The following SERGEF variants were observed in gnomAD, a reference collection of about 807,000 sequenced individuals.
The protein encoded by SERGEF is secretion-regulating guanine nucleotide exchange factor.
SERGEF carries 51 observed loss-of-function variants against 50.0 expected under a neutral mutation model. That is an observed-to-expected ratio of 1.02 (90% CI 0.81 to 1.29). The LOEUF is 1.29. Ranked by LOEUF, SERGEF falls within the 50% of genes most tolerant of loss-of-function variation. The pLI, the probability that SERGEF is intolerant of heterozygous loss-of-function variation, is 0.00. For missense variants in SERGEF, 521 were observed against 557.0 expected, an observed-to-expected ratio of 0.94 and a Z score of 0.65; for synonymous variants, 205 against 212.4, an observed-to-expected ratio of 0.97 and a Z score of 0.30.
At chr11:17,808,004 A>T (rs10160556) in intron 10 of SERGEF, among the ~76,000 whole-genome samples, 61,660 of 151,986 alleles carry the variant, frequency 0.41, 14,045 homozygotes, top group East Asian at 0.72. Flanking sequence ...GACCCCCTAG[A>T]ATGTGCAGCC....
At position 17,791,668 on chromosome 11, in the gene SERGEF, G is replaced by A. The variant is rs543059172; in HGVS notation, c.1049-3255C>T. Among the ~76,000 whole-genome samples the A allele has an allele frequency of 4.9e-4, 74 of 152,286 alleles. No homozygotes were observed. The South Asian group carries it at 0.014, about 29-fold the overall frequency. On this transcript the variant is annotated intron_variant, in intron 10 of 10. Coordinates refer to ENST00000265965, the MANE Select transcript of SERGEF (RefSeq NM_012139.4). ...TGAACTGGGTTCAAATCCCAGCTTC[G>A]CCACTTACTAGTTGTGCCGCTTCAA...
rs199601598 is a variant in SERGEF at position 17,980,457 on chromosome 11, T to TATTC, written c.844+8139_844+8140insGAAT. ...TCTTGCACTGAGGGGTAAGTGATCT[T>TATTC]ATTAACTTTAAAATAGTATTTATAG... On this transcript the variant is annotated intron_variant, in intron 8 of 10. Coordinates refer to ENST00000265965, the MANE Select transcript of SERGEF (RefSeq NM_012139.4). 6.8e-3 allele frequency among the ~76,000 whole-genome samples: 1,036 copies of TATTC among 152,362 alleles called. 13 individuals carry two copies. The highest frequency in any genetic ancestry group is 0.023 in the African/African-American group (972 of 41,572).
chr11:17,857,882 A>T (rs1850853235), intron 10 of SERGEF, among the ~76,000 whole-genome samples: 2 of 152,240 alleles, frequency 1.3e-5, no homozygotes, highest in African/African-American at 4.8e-5. Flanking sequence ...AAACCCTCTT[A>T]AGCCAACTGT....
intron 8 of SERGEF, among the ~76,000 whole-genome samples, chr11:17,964,150 T>C (rs1415826178): frequency 1.3e-5 from 2 of 152,202 alleles, no homozygotes; most frequent in African/African-American, 4.8e-5. Context: ...ATGGGAATCA[T>C]AAAATGTTAT....
At chr11:17,861,036 TTTC>T (rs1249454566) in intron 10 of SERGEF, among the ~76,000 whole-genome samples, 1 of 152,190 alleles carries the variant, frequency 6.6e-6, no homozygotes, top group East Asian at 1.9e-4. Flanking sequence ...GAAAGGGCCA[TTTC>T]CTATGTCCTC....
At chr11:17,837,424 T>C (rs914207257) in intron 10 of SERGEF, among the ~76,000 whole-genome samples, 2 of 151,860 alleles carry the variant, frequency 1.3e-5, no homozygotes, top group African/African-American at 4.8e-5. Flanking sequence ...GGATGCCCTC[T>C]GTGGGGAGTG....
intron 10 of SERGEF, among the ~76,000 whole-genome samples, chr11:17,801,856 A>G (rs948642175): frequency 3.9e-5 from 6 of 152,182 alleles, no homozygotes; most frequent in Non-Finnish European, 7.3e-5. Flanking sequence ...TGGTGCCTTC[A>G]TCACTCTAAA....
chr11:17,797,451 ATGT>A (rs1278908987), intron 10 of SERGEF, among the ~76,000 whole-genome samples: 7 of 152,264 alleles, frequency 4.6e-5, no homozygotes, highest in Middle Eastern at 3.4e-3. Context: ...TCATTCCTTC[ATGT>A]TGTTCAGGTA....
At chr11:17,809,710 A>T (rs1849832297) in intron 10 of SERGEF, among the ~76,000 whole-genome samples, 1 of 152,134 alleles carries the variant, frequency 6.6e-6, no homozygotes, top group Non-Finnish European at 1.5e-5. Context: ...GACCAAGAGG[A>T]CTTGGCATCT....
At chr11:17,914,002 C>T (rs929915439) in intron 9 of SERGEF, among the ~76,000 whole-genome samples, 3 of 152,230 alleles carry the variant, frequency 2.0e-5, no homozygotes, top group African/African-American at 7.2e-5. Flanking sequence ...CTGAATGAAG[C>T]CCAAATCCTA....
In SERGEF at chr11:18,007,977, T is replaced by A; in HGVS notation, c.160A>T (p.Ile54Phe). 5.0e-6 allele frequency: 8 copies of A among 1,613,966 alleles called. No individual in the cohort carries two copies. The highest frequency in any genetic ancestry group is 6.8e-6 in the Non-Finnish European group (8 of 1,179,888). ...DFCKPRSVRR[I>F]TGGGGHSAVV... ...GCAGAGTGGCCCCCTCCTCCTGTGATCCTCCTGACACTCCTGGGTTTACAG... is the reference window on the plus strand; with the variant it reads ...GCAGAGTGGCCCCCTCCTCCTGTGAACCTCCTGACACTCCTGGGTTTACAG... Residue 54 changes from isoleucine to phenylalanine, a missense_variant, in exon 2 of 11, where the codon ATC becomes TTC. Ile to Phe is a conservative substitution (Grantham distance 21). Coordinates refer to ENST00000265965, the MANE Select transcript of SERGEF (RefSeq NM_012139.4).
chr11:17,921,176 A>G (rs528489568), intron 9 of SERGEF, among the ~76,000 whole-genome samples: 10 of 152,356 alleles, frequency 6.6e-5, no homozygotes, highest in African/African-American at 2.4e-4. Flanking sequence ...TTTGACAGTC[A>G]TCTGATACAT....
intron 9 of SERGEF, among the ~76,000 whole-genome samples, chr11:17,958,762 G>T (rs1413985559): frequency 1.3e-5 from 2 of 152,132 alleles, no homozygotes; most frequent in Non-Finnish European, 2.9e-5. Context: ...TCAAGCTGTT[G>T]TGCACACTTA....
In SERGEF at chr11:17,998,528, A is replaced by ATGTGTGTG. The variant is rs71047568; in HGVS notation, c.508+1961_508+1968dup. On this transcript the variant is annotated intron_variant, in intron 5 of 10. Transcript: ENST00000265965. ...GTGTGTTATATATATATATGTTTATATGTGTGTGTGTGTGTGTGTATGTGT... is the reference window on the plus strand; with the variant it reads ...GTGTGTTATATATATATATGTTTATATGTGTGTGTGTGTGTGTGTGTGTGTGTATGTGT... 3.6e-3 allele frequency among the ~76,000 whole-genome samples: 454 copies of ATGTGTGTG among 126,136 alleles called. 4 individuals are homozygous for ATGTGTGTG. The highest frequency in any genetic ancestry group is 5.9e-3 in the Non-Finnish European group (361 of 61,270). The allele number at this position is 126,136 out of a possible 152,430, so 82.8% of individuals were successfully genotyped here. A position where few individuals can be genotyped will look rare whatever the true frequency, so the allele number is the denominator to read the frequency against.
intron 10 of SERGEF, among the ~76,000 whole-genome samples, chr11:17,825,919 G>C (rs1009746260): frequency 6.6e-6 from 1 of 152,182 alleles, no homozygotes; most frequent in African/African-American, 2.4e-5. Flanking sequence ...CATCTTATAA[G>C]AGAAAGAGTA....
chr11:17,877,149 A>G (rs543283024), intron 10 of SERGEF, among the ~76,000 whole-genome samples: 2 of 152,360 alleles, frequency 1.3e-5, no homozygotes, highest in East Asian at 3.9e-4. Flanking sequence ...GCAAGAAATG[A>G]GGAAAACACA....
At chr11:17,802,283 T>C (rs1446670920) in intron 10 of SERGEF, among the ~76,000 whole-genome samples, 37 of 152,052 alleles carry the variant, frequency 2.4e-4, no homozygotes, top group Admixed American at 2.4e-3. Flanking sequence ...CCCTTAAACA[T>C]TGGTTCTAAG....
chr11:17,992,917 G>C lies in SERGEF; in HGVS notation c.685+14C>G. On this transcript the variant is annotated intron_variant, in intron 7 of 10. Transcript: ENST00000265965. The stretch of plus-strand genomic sequence containing the variant: ...CTGAATGGCATGTTAAACCGTGAAA[G>C]AGCTGGTACCTACCTGTTAATGAAG... 1 of 1,611,622 alleles carries C rather than the reference G, an allele frequency of 6.2e-7. No homozygotes were observed. The highest frequency in any genetic ancestry group is 8.5e-7 in the Non-Finnish European group (1 of 1,177,736).
chr11:17,835,430 T>G (rs1850381856), intron 10 of SERGEF, among the ~76,000 whole-genome samples: 1 of 152,176 alleles, frequency 6.6e-6, no homozygotes, highest in Admixed American at 6.5e-5. Flanking sequence ...ACATATATGG[T>G]GTACTTGGAA....
Sources: allele counts gnomAD v4.1 joint callset (sites outside exome capture counted in the v4.1 genomes callset), GRCh38; gene constraint gnomAD v4.1.1; transcripts MANE v1.5; gene names NCBI Gene and HGNC (gene_info 2026-07-23, HGNC 2026-07-21).